Variants in SNX14 observed in about 807,000 individuals in gnomAD.
SNX14 encodes sorting nexin-14.
Under a neutral mutation model 133.8 loss-of-function variants are expected in SNX14, and 93 were observed. The observed-to-expected ratio is 0.70, with a 90% CI of 0.59 to 0.83. The LOEUF (loss-of-function observed/expected upper bound fraction) is 0.83, where lower values mean the gene tolerates loss of function less well. Among genes scored for constraint, SNX14 ranks in the 40% least tolerant of loss-of-function variants. SNX14 has a pLI of 0.00. For synonymous variants in SNX14, 368 were observed against 365.6 expected, an observed-to-expected ratio of 1.01 and a Z score of -0.07; for missense variants, 945 against 1,094.9, an observed-to-expected ratio of 0.86 and a Z score of 1.93.
chr6:85,549,033 T>A (rs1033685207), intron 8 of SNX14, among the ~76,000 whole-genome samples: 2 of 151,542 alleles, frequency 1.3e-5, no homozygotes, highest in East Asian at 3.9e-4. Context: ...TAAATGTTTA[T>A]TATATATTTA....
At chr6:85,528,504 C>T in intron 19 of SNX14, 142 bp from the exon 20 acceptor site, 1 of 489,418 alleles carries the variant, frequency 2.0e-6, no homozygotes, top group Non-Finnish European at 3.3e-6. Flanking sequence ...TGAAAATCTT[C>T]ACAAAACCAG....
intron 2 of SNX14, 111 bp downstream of exon 2, chr6:85,574,147 G>T: frequency 1.4e-5 from 12 of 844,254 alleles, no homozygotes; most frequent in African/African-American, 1.8e-5. Context: ...GAAATTGAAA[G>T]AAAACAAATT....
At chr6:85,567,735 C>A (rs903230877) in intron 4 of SNX14, 158 bp from the exon 5 acceptor site, 4 of 435,256 alleles carry the variant, frequency 9.2e-6, no homozygotes, top group Non-Finnish European at 1.2e-5. Context: ...GTAATCCCAG[C>A]ACTTTGGGAG....
At chr6:85,541,928 G>T in intron 15 of SNX14, 57 bp downstream of exon 15, 1 of 1,278,348 alleles carries the variant, frequency 7.8e-7, no homozygotes, top group Non-Finnish European at 1.1e-6. Context: ...TAAAGACAAT[G>T]ATGCTATCAT....
chr6:85,582,416 G>A (rs1371014419), intron 1 of SNX14, among the ~76,000 whole-genome samples: 2 of 150,496 alleles, frequency 1.3e-5, no homozygotes, highest in South Asian at 2.1e-4. Context: ...CAGACATAAA[G>A]AACACTGAAA....
intron 1 of SNX14, among the ~76,000 whole-genome samples, chr6:85,580,912 T>C (rs1403497104): frequency 6.6e-6 from 1 of 152,088 alleles, no homozygotes; most frequent in Non-Finnish European, 1.5e-5. Flanking sequence ...AACCACCCCA[T>C]ATCCAGGGGA....
intron 15 of SNX14, among the ~76,000 whole-genome samples, chr6:85,540,430 C>T (rs942600090): frequency 6.6e-6 from 1 of 152,186 alleles, no homozygotes; most frequent in African/African-American, 2.4e-5. Context: ...TTTGAGGAAA[C>T]TCCTTGGAAA....
At chr6:85,525,906 T>C (rs1482654707) in intron 21 of SNX14, among the ~76,000 whole-genome samples, 2 of 152,148 alleles carry the variant, frequency 1.3e-5, no homozygotes, top group Admixed American at 6.5e-5. Context: ...CATTGACTAA[T>C]GTAATTTTCT....
chr6:85,518,175 T>G (rs1037447599), intron 21 of SNX14, 127 bp from the exon 22 acceptor site: 2 of 719,606 alleles, frequency 2.8e-6, no homozygotes, highest in Non-Finnish European at 4.6e-6. Flanking sequence ...TATTTATGAT[T>G]GACCATTTCA....
At chr6:85,539,420 C>G (rs1360713646) in intron 15 of SNX14, among the ~76,000 whole-genome samples, 1 of 151,988 alleles carries the variant, frequency 6.6e-6, no homozygotes, top group Non-Finnish European at 1.5e-5. Context: ...AGCTAAGAAG[C>G]ACAGTTAACA....
Position 85,537,174 on chromosome 6 carries a change from A to G in SNX14, c.1476-250T>C, listed in dbSNP as rs1782232853. The G allele has an allele frequency of 5.9e-6, 2 of 341,468 alleles. 1 individual carries two copies. Among genetic ancestry groups the G allele is most frequent in the South Asian group, 1.7e-4 (2 of 12,096 alleles). 21.2% of individuals were successfully genotyped at this position (341,468 alleles called of 1,614,324 possible). On this transcript the variant is annotated intron_variant, in intron 16 of 28. Transcript: ENST00000314673. ...ACAATATTTATTTATAAACACTCAA[A>G]ATTTACCTAGTATTAACTTCAAAAT...
In SNX14 at chr6:85,536,845, T is replaced by A; in HGVS notation, c.1555A>T (p.Met519Leu). The A allele has an allele frequency of 3.7e-6, 6 of 1,613,510 alleles. No individual in the cohort carries two copies. The highest frequency in any genetic ancestry group is 5.1e-6 in the Non-Finnish European group (6 of 1,179,694). The part of the protein sequence containing the change: ...KIKGVFKSTT[M>L]EGAMLPNYGV... ...TAATTAGGCAACATAGCTCCCTCCA[T>A]TGTGGTACTTTTGAATACTCCTTTA... Residue 519 changes from methionine (M) to leucine (L), a missense_variant, in exon 17 of 29, where the codon ATG becomes TTG. Around this residue, in one of 3 missense-constraint regions of SNX14, gnomAD observed 412 missense variants for 516.6 expected, o/e 0.80. Coordinates refer to ENST00000314673, the MANE Select transcript of SNX14 (RefSeq NM_153816.6).
chr6:85,537,110 C>T, intron 16 of SNX14, 186 bp from the exon 17 acceptor site: 1 of 472,194 alleles, frequency 2.1e-6, no homozygotes. Flanking sequence ...AAAAATGACA[C>T]AGTATTTAAA....
intron 26 of SNX14, among the ~76,000 whole-genome samples, chr6:85,511,245 G>C (rs774431525): frequency 2.0e-4 from 30 of 152,136 alleles, no homozygotes; most frequent in Non-Finnish European, 3.4e-4. Flanking sequence ...AAAAGTAACT[G>C]AATTTTGTGT....
chr6:85,578,857 C>T (rs1297999376), intron 1 of SNX14, among the ~76,000 whole-genome samples: 1 of 152,026 alleles, frequency 6.6e-6, no homozygotes, highest in Non-Finnish European at 1.5e-5. Flanking sequence ...CAGAGGTAGC[C>T]GGGCGCAGTG....
Position 85,529,413 on chromosome 6 carries a change from G to C in SNX14, c.1894+779C>G, listed in dbSNP as rs373484968. Among the ~76,000 whole-genome samples the C allele has an allele frequency of 4.0e-5, 6 of 151,778 alleles. No individual in the cohort carries two copies. In the East Asian group the frequency reaches 5.8e-4, roughly 15 times the overall value. Reference sequence around the variant, plus strand: ...GAAACAAGGGAAGGAAGGAAGGAAGGAAGCAAGCATGAATGTGCTTTCTCA... The same window carrying C: ...GAAACAAGGGAAGGAAGGAAGGAAGCAAGCAAGCATGAATGTGCTTTCTCA... On this transcript the variant is annotated intron_variant, in intron 19 of 28. Coordinates refer to ENST00000314673, the MANE Select transcript of SNX14 (RefSeq NM_153816.6).
Position 85,568,766 on chromosome 6 carries a change from T to C in SNX14, c.418-1189A>G, listed in dbSNP as rs1794705342. Among the ~76,000 whole-genome samples the C allele has an allele frequency of 2.6e-5, 4 of 152,212 alleles. 1 individual carries two copies. In the South Asian group the frequency reaches 6.2e-4, roughly 24 times the overall value. The stretch of plus-strand genomic sequence containing the variant: ...TTTAAATATTAAGTGAACAATAATT[T>C]AGACATTTTAGTACAAAAACTAAGC... On this transcript the variant is annotated intron_variant, in intron 4 of 28. Coordinates refer to ENST00000314673, the MANE Select transcript of SNX14 (RefSeq NM_153816.6).
At chr6:85,517,724 A>C (rs1028278707) in intron 23 of SNX14, 32 bp downstream of exon 23, 1 of 1,554,968 alleles carries the variant, frequency 6.4e-7, no homozygotes, top group African/African-American at 1.4e-5. Flanking sequence ...GCAACTTAAA[A>C]CTTAATAGTT....
At chr6:85,581,311 G>C (rs1359221162) in intron 1 of SNX14, 1 of 152,124 alleles carries the variant, frequency 6.6e-6, no homozygotes, top group African/African-American at 2.4e-5. Context: ...TGCAAATATG[G>C]CTGCATTGAC....
Sources: allele counts gnomAD v4.1 joint callset (sites outside exome capture counted in the v4.1 genomes callset), GRCh38; gene constraint gnomAD v4.1.1; regional missense constraint gnomAD v4.1.1; transcripts MANE v1.5; gene names NCBI Gene and HGNC (gene_info 2026-07-23, HGNC 2026-07-21).